The following ANKRD45 variants were observed in gnomAD, a reference collection of about 807,000 sequenced individuals.
The protein encoded by ANKRD45 is ankyrin repeat domain-containing protein 45.
ANKRD45 carries 21 observed loss-of-function variants against 28.1 expected under a neutral mutation model. The observed-to-expected ratio is 0.75, with a 90% confidence interval of 0.53 to 1.08. ANKRD45 has a LOEUF of 1.08. ANKRD45 is among the 50% of genes least tolerant of loss of function. The pLI is 0.00. For synonymous variants in ANKRD45, 86 were observed against 103.9 expected, an observed-to-expected ratio of 0.83 and a Z score of 1.05; for missense variants, 261 against 308.7, an observed-to-expected ratio of 0.85 and a Z score of 1.16.
intron 1 of ANKRD45, among the ~76,000 whole-genome samples, chr1:173,665,159 A>T (rs996067094): frequency 7.9e-5 from 12 of 152,050 alleles, no homozygotes; most frequent in Non-Finnish European, 1.6e-4. Flanking sequence ...TTTCTTTTTT[A>T]AAAAAATAAA....
the ANKRD45 span, among the ~76,000 whole-genome samples, chr1:173,694,864 A>G: frequency 6.6e-6 from 1 of 152,154 alleles, no homozygotes; most frequent in Admixed American, 6.6e-5. Context: ...TAGATGTCCA[A>G]TGAATTGTCT....
rs1450887005 is a variant in ANKRD45 at position 173,609,838 on chromosome 1, T to C, written c.*307A>G. ...GTCCTTTTATATGGAATGCCTCAAT[T>C]ACACAGAAAATTATTAGATTCTCTG... On this transcript the variant is annotated 3_prime_UTR_variant, in exon 6 of 6. Coordinates refer to ENST00000333279, the MANE Select transcript of ANKRD45 (RefSeq NM_198493.3). 3.8e-6 allele frequency: 1 copy of C among 262,090 alleles called. No individual in the cohort carries two copies. The highest frequency in any genetic ancestry group is 5.0e-5 in the Admixed American group (1 of 19,846). 16.2% of individuals were successfully genotyped at this position (262,090 alleles called of 1,614,324 possible).
At chr1:173,695,578 T>C in the ANKRD45 span, among the ~76,000 whole-genome samples, 3 of 152,214 alleles carry the variant, frequency 2.0e-5, no homozygotes. Context: ...GTATATGTAC[T>C]ATATTTTCTT....
Position 173,613,567 on chromosome 1 carries a change from C to G in ANKRD45, c.731-3352G>C, listed in dbSNP as rs1485824551. ...GGGAGGGAGGTGGGGGGTCAGCCCC[C>G]CCCCCGGCCAGCCGCCCCGTCCGGG... On this transcript the variant is annotated intron_variant, in intron 5 of 5. Transcript: ENST00000333279. 4.0e-5 allele frequency among the ~76,000 whole-genome samples: 6 copies of G among 148,228 alleles called. 1 individual carries two copies. Among genetic ancestry groups the G allele is most frequent in the South Asian group, 2.1e-4 (1 of 4,704 alleles).
the ANKRD45 span, among the ~76,000 whole-genome samples, chr1:173,711,771 A>G: frequency 6.6e-6 from 1 of 152,226 alleles, no homozygotes; most frequent in Non-Finnish European, 1.5e-5. Context: ...TACCATAAAC[A>G]CATCTCTAAA....
At chr1:173,691,390 C>T in the ANKRD45 span, among the ~76,000 whole-genome samples, 1 of 152,218 alleles carries the variant, frequency 6.6e-6, no homozygotes, top group Non-Finnish European at 1.5e-5. Context: ...GAAATGTAAT[C>T]ACAGGCGAGC....
the ANKRD45 span, among the ~76,000 whole-genome samples, chr1:173,705,386 G>A: frequency 6.6e-6 from 1 of 151,400 alleles, no homozygotes; most frequent in African/African-American, 2.4e-5. Context: ...ATAGACGGCC[G>A]AGCATGGTGG....
Position 173,617,444 on chromosome 1 carries a change from G to C in ANKRD45, c.731-7229C>G, listed in dbSNP as rs141616216. The stretch of plus-strand genomic sequence containing the variant: ...TCAACTCAGCCCTTCTAGCCTTCCA[G>C]CTCTGGGGAGTTCAAGAAGTCCTGA... On this transcript the variant is annotated intron_variant, in intron 5 of 5. Coordinates refer to ENST00000333279, the MANE Select transcript of ANKRD45 (RefSeq NM_198493.3). Among the ~76,000 whole-genome samples, 14 of 152,332 alleles carry C rather than the reference G, an allele frequency of 9.2e-5. 1 individual carries two copies. The East Asian group carries it at 2.5e-3, about 27-fold the overall frequency.
chr1:173,648,388 G>C (rs899231705), intron 2 of ANKRD45, among the ~76,000 whole-genome samples: 1 of 152,040 alleles, frequency 6.6e-6, no homozygotes, highest in Non-Finnish European at 1.5e-5. Context: ...TGAACTTTTT[G>C]ATCCAACATG....
intron 1 of ANKRD45, among the ~76,000 whole-genome samples, chr1:173,664,626 T>G (rs753265624): frequency 6.6e-6 from 1 of 152,200 alleles, no homozygotes; most frequent in Non-Finnish European, 1.5e-5. Context: ...TTCAATATTC[T>G]GAACTCCAAA....
At chr1:173,652,053 T>A (rs891937086) in intron 2 of ANKRD45, among the ~76,000 whole-genome samples, 73 of 152,328 alleles carry the variant, frequency 4.8e-4, no homozygotes, top group Admixed American at 2.8e-3. Flanking sequence ...AGGGACAATT[T>A]GACTTCCTCT....
intron 2 of ANKRD45, among the ~76,000 whole-genome samples, chr1:173,647,429 G>C (rs1369339302): frequency 6.6e-6 from 1 of 152,128 alleles, no homozygotes; most frequent in African/African-American, 2.4e-5. Context: ...TAGCATTATT[G>C]TTAGCACAAT....
At chr1:173,648,796 C>T (rs1669047278) in intron 2 of ANKRD45, among the ~76,000 whole-genome samples, 1 of 152,178 alleles carries the variant, frequency 6.6e-6, no homozygotes, top group African/African-American at 2.4e-5. Flanking sequence ...GGACACAATG[C>T]CAAATATTGA....
chr1:173,623,427 C>T (rs114126749), intron 5 of ANKRD45, among the ~76,000 whole-genome samples: 8,602 of 152,038 alleles, frequency 0.057, 353 homozygotes, highest in Non-Finnish European at 0.081. Flanking sequence ...TCATGCCAGT[C>T]AGAATGGCAA....
the ANKRD45 span, among the ~76,000 whole-genome samples, chr1:173,682,201 G>T: frequency 6.6e-6 from 1 of 152,026 alleles, no homozygotes; most frequent in African/African-American, 2.4e-5. Flanking sequence ...TGAATCCTGG[G>T]TTTCCAAAAA....
intron 3 of ANKRD45, 66 bp downstream of exon 3, chr1:173,646,780 C>T (rs1668951948): frequency 3.3e-6 from 5 of 1,508,148 alleles, no homozygotes; most frequent in Non-Finnish European, 4.5e-6. Context: ...GTGACATATC[C>T]TGTAACTCAT....
At chr1:173,690,055 G>GCCCC in the ANKRD45 span, among the ~76,000 whole-genome samples, 12 of 46,184 alleles carry the variant, frequency 2.6e-4, no homozygotes, top group Middle Eastern at 0.014. Flanking sequence ...GCCAATGCCT[G>GCCCC]CCCCCCGCCC....
At chr1:173,682,699 A>G in the ANKRD45 span, among the ~76,000 whole-genome samples, 2 of 151,820 alleles carry the variant, frequency 1.3e-5, no homozygotes, top group East Asian at 1.9e-4. Context: ...ACACACACAC[A>G]CACACACACA....
chr1:173,647,814 CT>C (rs1326287997), intron 2 of ANKRD45, among the ~76,000 whole-genome samples: 4 of 151,308 alleles, frequency 2.6e-5, no homozygotes, highest in African/African-American at 9.8e-5. Flanking sequence ...TCAGACAGGT[CT>C]CACTCTGTTG....
Sources: allele counts gnomAD v4.1 joint callset (sites outside exome capture counted in the v4.1 genomes callset), GRCh38; gene constraint gnomAD v4.1.1; transcripts MANE v1.5; gene names NCBI Gene and HGNC (gene_info 2026-07-23, HGNC 2026-07-21).